Variants in PIP5K1C observed in about 807,000 individuals in gnomAD.
PIP5K1C encodes phosphatidylinositol-4-phosphate 5-kinase type 1 gamma, also known as phosphatidylinositol 4-phosphate 5-kinase type-1 gamma.
PIP5K1C carries 45 observed loss-of-function variants against 80.1 expected under a neutral mutation model. The ratio of observed to expected loss-of-function variants is 0.56; its 90% confidence interval spans 0.44 to 0.72. The LOEUF is 0.72. Ranked by LOEUF, PIP5K1C falls within the 30% of genes least tolerant of loss-of-function variation. The probability of loss-of-function intolerance (pLI) is 0.00; values close to 1 mark genes in which losing one functional copy is unlikely to be tolerated. For missense variants in PIP5K1C, 753 were observed against 954.6 expected, an observed-to-expected ratio of 0.79 and a Z score of 2.78; for synonymous variants, 498 against 420.1, an observed-to-expected ratio of 1.19 and a Z score of -2.27.
At chr19:3,678,108 G>A (rs563528237) in intron 1 of PIP5K1C, among the ~76,000 whole-genome samples, 34 of 142,840 alleles carry the variant, frequency 2.4e-4, no homozygotes, top group African/African-American at 7.9e-4. Flanking sequence ...AGGGAGAATG[G>A]AGGGATGGAG....
chr19:3,679,111 T>C (rs1370526232), intron 1 of PIP5K1C, among the ~76,000 whole-genome samples: 3 of 150,992 alleles, frequency 2.0e-5, no homozygotes, highest in Non-Finnish European at 1.5e-5. Flanking sequence ...CTTTTGAAAA[T>C]TCTCTTTAAA....
chr19:3,646,081 G>T, intron 10 of PIP5K1C, 23 bp from the exon 11 acceptor site: 1 of 1,488,854 alleles, frequency 6.7e-7, no homozygotes, highest in Non-Finnish European at 9.4e-7. Flanking sequence ...TGGGGGGGGT[G>T]CCCGGGGGCA....
chr19:3,648,630 G>C lies in PIP5K1C; in HGVS notation c.1206C>G (p.Ser402=), dbSNP rs754465133. Residue 402 remains serine, a synonymous_variant, in exon 9 of 18, where the codon TCC becomes TCG. Coordinates refer to ENST00000335312, the MANE Select transcript of PIP5K1C (RefSeq NM_012398.3). This position sits in a 1 kb window ranked among gnomAD's most constrained non-coding sequence, Gnocchi z 4.3. The part of the protein sequence containing the change: ...LHIGIIDILQ[S]YRFIKKLEHT... Reference sequence around the variant, plus strand: ...CTGCAGACCCGGGCACCCACCTGTAGGACTGCAGGATGTCGATGATGCCAA... The same window carrying C: ...CTGCAGACCCGGGCACCCACCTGTACGACTGCAGGATGTCGATGATGCCAA... 3 of 1,612,862 alleles carry C rather than the reference G, an allele frequency of 1.9e-6. No individual in the cohort carries two copies. The highest frequency in any genetic ancestry group is 8.5e-7 in the Non-Finnish European group (1 of 1,179,742).
chr19:3,637,950 G>A lies in PIP5K1C; in HGVS notation c.1920+934C>T, dbSNP rs1017820766. On this transcript the variant is annotated intron_variant, in intron 16 of 17. Transcript: ENST00000335312. This position sits in a 1 kb window ranked among gnomAD's most constrained non-coding sequence, Gnocchi z 7.0. ...GCGGTGGGTAGGGGCACAGGCACGC[G>A]GCCCGTCCCTCCCTTCTCCAGGGCC... is the stretch of plus-strand genomic sequence containing the variant. The A allele has an allele frequency of 1.5e-5, 23 of 1,534,470 alleles. No individual in the cohort carries two copies. The highest frequency in any genetic ancestry group is 2.7e-5 in the African/African-American group (2 of 72,994).
At chr19:3,638,021 G>A (rs1250572254) in intron 16 of PIP5K1C, 2 of 1,496,530 alleles carry the variant, frequency 1.3e-6, no homozygotes, top group Non-Finnish European at 1.8e-6. Context: ...AGACAGAGCA[G>A]GGGAGTTAGT....
At chr19:3,678,596 A>G (rs2035485025) in intron 1 of PIP5K1C, among the ~76,000 whole-genome samples, 2 of 85,312 alleles carry the variant, frequency 2.3e-5, no homozygotes, top group African/African-American at 4.9e-5. Context: ...AAAGGGATGG[A>G]GGGATGGAGG....
intron 1 of PIP5K1C, among the ~76,000 whole-genome samples, chr19:3,667,892 G>A (rs1310610667): frequency 6.6e-6 from 1 of 152,210 alleles, no homozygotes; most frequent in Non-Finnish European, 1.5e-5. Flanking sequence ...CCGCTGGGGC[G>A]AGGGCAGGCT....
chr19:3,661,050 G>A lies in PIP5K1C; in HGVS notation c.384C>T (p.Phe128=). ...CATAGGTCTTGAAGCGGAAGTCCTG[G>A]AAGTGGTGGGCGGGGGTGAGGTTGC... ...EGSNLTPAHH[F]QDFRFKTYAP... The change falls in exon 5 of 18, where the codon TTC becomes TTT. Residue 128 remains phenylalanine (F), a synonymous_variant. Transcript: ENST00000335312. The A allele has an allele frequency of 6.2e-7, 1 of 1,614,094 alleles. No homozygotes were observed. Among genetic ancestry groups the A allele is most frequent in the Non-Finnish European group, 8.5e-7 (1 of 1,179,986 alleles).
intron 3 of PIP5K1C, among the ~76,000 whole-genome samples, chr19:3,664,536 G>A (rs1600018042): frequency 6.6e-6 from 1 of 152,126 alleles, no homozygotes; most frequent in Admixed American, 6.5e-5. Context: ...CACCAGGGCC[G>A]AGAGCCCAGG....
In PIP5K1C at chr19:3,643,116, G is replaced by A. The variant is rs1039813488; in HGVS notation, c.1649+127C>T. The A allele has an allele frequency of 1.4e-5, 21 of 1,507,904 alleles. No homozygotes were observed. The Admixed American group carries it at 3.2e-4, about 23-fold the overall frequency. 93.4% of individuals were successfully genotyped at this position (1,507,904 alleles called of 1,614,324 possible). A position where few individuals can be genotyped will look rare whatever the true frequency, so the allele number is the denominator to read the frequency against. ...CCCCGCGCACCCACATGCAGTGTAT[G>A]TACATCCACCGTACATACGATGCTC... On this transcript the variant is annotated intron_variant, in intron 13 of 17. Coordinates refer to ENST00000335312, the MANE Select transcript of PIP5K1C (RefSeq NM_012398.3).
chr19:3,631,721 A>C lies in PIP5K1C; in HGVS notation c.*1446T>G, dbSNP rs1460182664. ...GGGCGCAGCGTGTGGGCTGTGCAGG[A>C]GGCCGACGGGACGTGAACAGCGGGT... On this transcript the variant is annotated 3_prime_UTR_variant, in exon 18 of 18. Transcript: ENST00000335312. 6.6e-6 allele frequency: 1 copy of C among 152,358 alleles called. No homozygotes were observed. Among genetic ancestry groups the C allele is most frequent in the Non-Finnish European group, 1.5e-5 (1 of 68,144 alleles). The allele number at this position is 152,358 out of a possible 1,614,324, so 9.4% of individuals were successfully genotyped here.
chr19:3,688,007 T>C lies in PIP5K1C; in HGVS notation c.94+12290A>G, dbSNP rs2035819174. The stretch of plus-strand genomic sequence containing the variant: ...CCGGGCGGGCCGGGGCAGGAGGCTG[T>C]GGGGCGTGGCCAGCCCGCAGGTGGC... On this transcript the variant is annotated intron_variant, in intron 1 of 17. Transcript: ENST00000335312. This position sits in a 1 kb window ranked among gnomAD's most constrained non-coding sequence, Gnocchi z 5.3. 6.6e-6 allele frequency among the ~76,000 whole-genome samples: 1 copy of C among 152,106 alleles called. No homozygotes were observed. The highest frequency in any genetic ancestry group is 2.4e-5 in the African/African-American group (1 of 41,402).
In PIP5K1C at chr19:3,692,200, G is replaced by C. The variant is rs1234123047; in HGVS notation, c.94+8097C>G. 6.6e-6 allele frequency among the ~76,000 whole-genome samples: 1 copy of C among 152,160 alleles called. No individual in the cohort carries two copies. Among genetic ancestry groups the C allele is most frequent in the Non-Finnish European group, 1.5e-5 (1 of 68,022 alleles). On this transcript the variant is annotated intron_variant, in intron 1 of 17. Transcript: ENST00000335312. The surrounding 1 kb of genome is among the most constrained non-coding windows in gnomAD (Gnocchi z 5.2). ...AGGAAACTGAGGCACGGAGCGGCTGGGCAACCGAACCCAATCATCTCAGCT... is the reference window on the plus strand; with the variant it reads ...AGGAAACTGAGGCACGGAGCGGCTGCGCAACCGAACCCAATCATCTCAGCT...
At chr19:3,658,489 G>A (rs1205331715) in intron 5 of PIP5K1C, among the ~76,000 whole-genome samples, 2 of 152,178 alleles carry the variant, frequency 1.3e-5, no homozygotes, top group Middle Eastern at 3.2e-3. Context: ...CGCCTTCCCC[G>A]CCACGGCAGG....
chr19:3,648,153 T>C lies in PIP5K1C; in HGVS notation c.1211+472A>G, dbSNP rs2034307183. Among the ~76,000 whole-genome samples the C allele has an allele frequency of 6.6e-6, 1 of 151,690 alleles. No individual in the cohort carries two copies. The highest frequency in any genetic ancestry group is 2.4e-5 in the African/African-American group (1 of 41,274). ...AATCCTCCTGCCTCGGCCTCCCAAGTAGCTGGGACTGCAGGAGCACCACCA... is the reference window on the plus strand; with the variant it reads ...AATCCTCCTGCCTCGGCCTCCCAAGCAGCTGGGACTGCAGGAGCACCACCA... On this transcript the variant is annotated intron_variant, in intron 9 of 17. Coordinates refer to ENST00000335312, the MANE Select transcript of PIP5K1C (RefSeq NM_012398.3). The surrounding 1 kb of genome is among the most constrained non-coding windows in gnomAD (Gnocchi z 4.3).
intron 1 of PIP5K1C, among the ~76,000 whole-genome samples, chr19:3,678,921 GATGGAGGAGTGGAGGGAGGGATGGAGA>G (rs1401825635): frequency 6.9e-6 from 1 of 143,946 alleles, no homozygotes; most frequent in Non-Finnish European, 1.5e-5. Context: ...GGGATGGAGG[GATGGAGGAGTGGAGGGAGGGATGGAGA>G]ATGGAGGGAT....
intron 7 of PIP5K1C, among the ~76,000 whole-genome samples, chr19:3,652,429 G>A (rs2145443323): frequency 6.6e-6 from 1 of 152,352 alleles, no homozygotes; most frequent in Admixed American, 6.5e-5. Context: ...GTAGCCTCAA[G>A]GCCCCTGAGT....
At chr19:3,639,800 C>G (rs1309609078) in intron 15 of PIP5K1C, among the ~76,000 whole-genome samples, 1 of 152,200 alleles carries the variant, frequency 6.6e-6, no homozygotes, top group African/African-American at 2.4e-5. Flanking sequence ...CTGAGTCTAT[C>G]ATGGGGGATG....
At position 3,645,852 on chromosome 19, in the gene PIP5K1C, G is replaced by A. The variant is rs4806947; in HGVS notation, c.1345+122C>T. ...TGAGGCCCGGTCTGAGGGGGGCACAGGGGCTCTGAGTTTACTGCCCTGCCC... is the reference window on the plus strand; with the variant it reads ...TGAGGCCCGGTCTGAGGGGGGCACAAGGGCTCTGAGTTTACTGCCCTGCCC... On this transcript the variant is annotated intron_variant, in intron 11 of 17. Transcript: ENST00000335312. 102,089 of 791,838 alleles carry A rather than the reference G, an allele frequency of 0.13. 10,480 individuals carry two copies. Among genetic ancestry groups the A allele is most frequent in the Admixed American group, 0.37 (21,118 of 57,322 alleles). The allele number at this position is 791,838 out of a possible 1,614,324, so 49.1% of individuals were successfully genotyped here. A position where few individuals can be genotyped will look rare whatever the true frequency, so the allele number is the denominator to read the frequency against.
Sources: gnomAD v4.1 joint callset for allele counts (sites outside exome capture counted in the v4.1 genomes callset) on GRCh38, gnomAD v4.1.1 for gene constraint, Gnocchi (gnomAD v3.1) non-coding constraint, MANE v1.5 for transcripts, NCBI Gene and HGNC (gene_info 2026-07-23, HGNC 2026-07-21) for gene names.